The following SS18L1 variants were observed in gnomAD, a reference collection of about 807,000 sequenced individuals.
The protein encoded by SS18L1 is SS18L1 subunit of BAF chromatin remodeling complex.
In SS18L1, 32 loss-of-function variants were observed where a neutral mutation model predicts 70.3. That is an observed-to-expected ratio of 0.46 (90% CI 0.34 to 0.61). The LOEUF (loss-of-function observed/expected upper bound fraction) is 0.61, where lower values mean the gene tolerates loss of function less well. SS18L1 is among the 20% of genes least tolerant of loss of function. The pLI is 0.01. For missense variants in SS18L1, 430 were observed against 542.1 expected (o/e 0.79, Z 2.05); for synonymous variants, 237 against 229.7 (o/e 1.03, Z -0.29).
At chr20:62,156,362 T>A (rs1043219437) in intron 1 of SS18L1, among the ~76,000 whole-genome samples, 1 of 152,110 alleles carries the variant, frequency 6.6e-6, no homozygotes, top group African/African-American at 2.4e-5. Flanking sequence ...GGACTCTCCC[T>A]CACCTGCCCA....
intron 1 of SS18L1, among the ~76,000 whole-genome samples, chr20:62,153,125 C>T (rs1313606078): frequency 1.1e-4 from 16 of 152,246 alleles, no homozygotes; most frequent in Admixed American, 3.9e-4. Context: ...CTTCACAAGG[C>T]GGCAGGAAGG....
rs758686166 is a variant in SS18L1, at chr20:62,174,648, A to G, written c.1164+4A>G. 1 of 1,613,476 alleles carries G rather than the reference A, an allele frequency of 6.2e-7. No homozygotes were observed. Among genetic ancestry groups the G allele is most frequent in the Non-Finnish European group, 8.5e-7 (1 of 1,180,016 alleles). ...GCGGCCCTACGGCTATGAACAGGCA[A>G]GCTTTCTGGATGTTTCCAGATGTGC... On this transcript the variant is annotated splice_donor_region_variant and intron_variant, in intron 10 of 10. Transcript: ENST00000331758. The surrounding 1 kb of genome is among the most constrained non-coding windows in gnomAD (Gnocchi z 4.1).
chr20:62,155,250 C>CA (rs1442288698), intron 1 of SS18L1, among the ~76,000 whole-genome samples: 4 of 151,510 alleles, frequency 2.6e-5, no homozygotes, highest in South Asian at 4.2e-4. Flanking sequence ...ACAACAACAA[C>CA]AAAAAAAACC....
In SS18L1 at chr20:62,172,695, C is replaced by T. The variant is rs1568763993; in HGVS notation, c.930C>T (p.Tyr310=). ...QHYYEGGNSQ[Y]SQQQAGYQQG... is the part of the protein sequence containing the mutation. ...TCCTCCCTCCAGGAAACTCCCAGTA[C>T]AGCCAGCAGCAGGCCGGGTACCAGC... The change falls in exon 9 of 11, where the codon TAC becomes TAT. Residue 310 remains tyrosine, a synonymous_variant. Coordinates refer to ENST00000331758, the MANE Select transcript of SS18L1 (RefSeq NM_198935.3). The T allele has an allele frequency of 6.2e-7, 1 of 1,614,162 alleles. No individual in the cohort carries two copies. The highest frequency in any genetic ancestry group is 2.2e-5 in the East Asian group (1 of 44,882).
rs776043527 is a variant in SS18L1 at position 62,159,859 on chromosome 20, G to A, written c.147-18G>A. ...GTGGTCCCGTCGTCCTGCCTCATGC[G>A]TGCCCCCTCTCCTGCAGGTACCAGC... On this transcript the variant is annotated intron_variant, in intron 2 of 10. Coordinates refer to ENST00000331758, the MANE Select transcript of SS18L1 (RefSeq NM_198935.3). This position sits in a 1 kb window ranked among gnomAD's most constrained non-coding sequence, Gnocchi z 4.4. 1.2e-5 allele frequency: 19 copies of A among 1,610,588 alleles called. No homozygotes were observed. The highest frequency in any genetic ancestry group is 3.3e-5 in the Admixed American group (2 of 59,822).
chr20:62,157,557 C>G (rs2057246008), intron 1 of SS18L1, among the ~76,000 whole-genome samples: 1 of 152,210 alleles, frequency 6.6e-6, no homozygotes. Flanking sequence ...TTTGCCAGTT[C>G]TAGGAGCACG....
intron 10 of SS18L1, chr20:62,175,273 GA>G: frequency 1.0e-6 from 1 of 985,426 alleles, no homozygotes; most frequent in Non-Finnish European, 1.2e-6. Context: ...GAGCTCTCGG[GA>G]CAGTGAGGAG....
At chr20:62,146,764 C>T (rs1325017712) in intron 1 of SS18L1, among the ~76,000 whole-genome samples, 2 of 151,982 alleles carry the variant, frequency 1.3e-5, no homozygotes, top group East Asian at 1.9e-4. Context: ...GGATTATAGG[C>T]GCGTGCCACC....
chr20:62,154,910 T>TC (rs1389435127), intron 1 of SS18L1, among the ~76,000 whole-genome samples: 1 of 152,152 alleles, frequency 6.6e-6, no homozygotes, highest in Non-Finnish European at 1.5e-5. Flanking sequence ...CGTCCTGCTT[T>TC]CCAGGACTCC....
chr20:62,159,734 G>T lies in SS18L1; in HGVS notation c.147-143G>T, dbSNP rs1201020843. On this transcript the variant is annotated intron_variant, in intron 2 of 10. Coordinates refer to ENST00000331758, the MANE Select transcript of SS18L1 (RefSeq NM_198935.3). This position sits in a 1 kb window ranked among gnomAD's most constrained non-coding sequence, Gnocchi z 4.4. ...GCACCCTGCCACCTGCCTGTGTCCA[G>T]CTGGGTGTCATCTGGGGTCCATGTC... 2.7e-6 allele frequency: 2 copies of T among 752,672 alleles called. No individual in the cohort carries two copies. The highest frequency in any genetic ancestry group is 1.7e-5 in the African/African-American group (1 of 57,254). The allele number at this position is 752,672 out of a possible 1,614,324, so 46.6% of individuals were successfully genotyped here.
At chr20:62,145,323 G>C (rs1896233672) in intron 1 of SS18L1, among the ~76,000 whole-genome samples, 1 of 151,862 alleles carries the variant, frequency 6.6e-6, no homozygotes, top group Non-Finnish European at 1.5e-5. Context: ...GGCCTAGGGG[G>C]GCTAAATGCC....
chr20:62,163,345 G>T, intron 5 of SS18L1, 113 bp from the exon 6 acceptor site: 1 of 1,486,036 alleles, frequency 6.7e-7, no homozygotes, highest in Non-Finnish European at 9.1e-7. Flanking sequence ...CTGTCCTCGT[G>T]GGGAGCACAG....
In SS18L1 at chr20:62,174,673, C is replaced by T; in HGVS notation, c.1164+29C>T. ...AGCTTTCTGGATGTTTCCAGATGTG[C>T]CCATCCGCCGCGCCTGTCGAGACAT... On this transcript the variant is annotated intron_variant, in intron 10 of 10. Coordinates refer to ENST00000331758, the MANE Select transcript of SS18L1 (RefSeq NM_198935.3). The surrounding 1 kb of genome is among the most constrained non-coding windows in gnomAD (Gnocchi z 4.1). 6.2e-7 allele frequency: 1 copy of T among 1,613,134 alleles called. No homozygotes were observed. Among genetic ancestry groups the T allele is most frequent in the Non-Finnish European group, 8.5e-7 (1 of 1,179,960 alleles).
At chr20:62,153,269 C>T (rs558119699) in intron 1 of SS18L1, among the ~76,000 whole-genome samples, 2 of 152,308 alleles carry the variant, frequency 1.3e-5, no homozygotes, top group African/African-American at 2.4e-5. Context: ...GTTCCTCCCA[C>T]GACACGTGGG....
intron 8 of SS18L1, 138 bp downstream of exon 8, chr20:62,165,652 C>G (rs1272142344): frequency 1.2e-6 from 1 of 821,240 alleles, no homozygotes; most frequent in East Asian, 2.7e-5. Context: ...GGAGGAGAGA[C>G]AGTGTGTTCT....
Position 62,158,661 on chromosome 20 carries a change from T to C in SS18L1, c.70-11T>C, listed in dbSNP as rs775030110. The C allele has an allele frequency of 6.2e-7, 1 of 1,612,096 alleles. No homozygotes were observed. Among genetic ancestry groups the C allele is most frequent in the Non-Finnish European group, 8.5e-7 (1 of 1,179,944 alleles). Reference sequence around the variant, plus strand: ...CCGCGTCGGCAGCGCCCGCTCACGCTCTCTCCGCAGATGCTGGACGAGAAC... The same window carrying C: ...CCGCGTCGGCAGCGCCCGCTCACGCCCTCTCCGCAGATGCTGGACGAGAAC... On this transcript the variant is annotated splice_polypyrimidine_tract_variant and intron_variant, in intron 1 of 10. Coordinates refer to ENST00000331758, the MANE Select transcript of SS18L1 (RefSeq NM_198935.3). This position sits in a 1 kb window ranked among gnomAD's most constrained non-coding sequence, Gnocchi z 4.5.
At chr20:62,173,362 T>A (rs983529564) in intron 9 of SS18L1, among the ~76,000 whole-genome samples, 1 of 152,254 alleles carries the variant, frequency 6.6e-6, no homozygotes, top group Non-Finnish European at 1.5e-5. Context: ...GGCACGTGCC[T>A]GATTCTGCTG....
chr20:62,157,998 G>A (rs1054863616), intron 1 of SS18L1, among the ~76,000 whole-genome samples: 2 of 152,162 alleles, frequency 1.3e-5, no homozygotes, highest in African/African-American at 4.8e-5. Flanking sequence ...CTTACCACCT[G>A]GGAGTGCCCT....
In SS18L1 at chr20:62,159,788, G is replaced by C; in HGVS notation, c.147-89G>C. Reference sequence around the variant, plus strand: ...ATGGGGTTTGGCTGGATGTCAGGCTGTCTTGTTCACACTTTACTTCTGCCT... The same window carrying C: ...ATGGGGTTTGGCTGGATGTCAGGCTCTCTTGTTCACACTTTACTTCTGCCT... On this transcript the variant is annotated intron_variant, in intron 2 of 10. Transcript: ENST00000331758. The surrounding 1 kb of genome is among the most constrained non-coding windows in gnomAD (Gnocchi z 4.4). 1 of 1,298,324 alleles carries C rather than the reference G, an allele frequency of 7.7e-7. No homozygotes were observed. The highest frequency in any genetic ancestry group is 1.3e-5 in the South Asian group (1 of 75,038). 80.4% of individuals were successfully genotyped at this position (1,298,324 alleles called of 1,614,324 possible). A position where few individuals can be genotyped will look rare whatever the true frequency, so the allele number is the denominator to read the frequency against.
Sources: allele counts gnomAD v4.1 joint callset (sites outside exome capture counted in the v4.1 genomes callset), GRCh38; gene constraint gnomAD v4.1.1; non-coding constraint Gnocchi (gnomAD v3.1); transcripts MANE v1.5; gene names NCBI Gene and HGNC (gene_info 2026-07-23, HGNC 2026-07-21).